The following CDH7 variants were observed in gnomAD, a reference collection of about 807,000 sequenced individuals.
CDH7 encodes the protein cadherin-7.
Under a neutral mutation model 71.8 loss-of-function variants are expected in CDH7, and 25 were observed. That is an observed-to-expected ratio of 0.35 (90% CI 0.25 to 0.49). The LOEUF is 0.49. CDH7 is among the 20% of genes least tolerant of loss of function. The probability of loss-of-function intolerance (pLI) is 0.99; values close to 1 mark genes in which losing one functional copy is unlikely to be tolerated. For missense variants in CDH7, 862 were observed against 974.6 expected (o/e 0.88, Z 1.54); for synonymous variants, 381 against 363.8 (o/e 1.05, Z -0.54).
chr18:65,753,966 A>T (rs1330150269), intron 1 of CDH7, among the ~76,000 whole-genome samples: 1 of 152,210 alleles, frequency 6.6e-6, no homozygotes, highest in Non-Finnish European at 1.5e-5. Flanking sequence ...TATTGAAGTC[A>T]CATAAATCAC....
At position 65,885,208 on chromosome 18, in the gene CDH7, G is replaced by C. The variant is rs937920700; in HGVS notation, c.*4314G>C. ...GTGGGATAAGCCCTTAAGAAAAATG[G>C]GAGATGTTTAAGGCTGTGATTTGGC... On this transcript the variant is annotated 3_prime_UTR_variant, in exon 12 of 12. Transcript: ENST00000397968. The C allele has an allele frequency of 6.6e-6, 1 of 151,712 alleles. No individual in the cohort carries two copies. Among genetic ancestry groups the C allele is most frequent in the African/African-American group, 2.4e-5 (1 of 41,324 alleles). The allele number at this position is 151,712 out of a possible 1,614,324, so 9.4% of individuals were successfully genotyped here. A position where few individuals can be genotyped will look rare whatever the true frequency, so the allele number is the denominator to read the frequency against.
In CDH7 at chr18:65,785,236, C is replaced by CATAT. The variant is rs60676977; in HGVS notation, c.210+22195_210+22198dup. Among the ~76,000 whole-genome samples the CATAT allele has an allele frequency of 8.5e-3, 1,269 of 150,172 alleles. 13 individuals are homozygous for CATAT. The highest frequency in any genetic ancestry group is 0.029 in the African/African-American group (1,207 of 40,964). Reference sequence around the variant, plus strand: ...AGCATATTTGTCATATAATATATGTCATATATATATATATTATTAGGCGAT... The same window carrying CATAT: ...AGCATATTTGTCATATAATATATGTCATATATATATATATATATTATTAGGCGAT... On this transcript the variant is annotated intron_variant, in intron 2 of 11. Transcript: ENST00000397968.
At chr18:65,866,558 G>T (rs1323693233) in intron 11 of CDH7, among the ~76,000 whole-genome samples, 1 of 152,256 alleles carries the variant, frequency 6.6e-6, no homozygotes, top group African/African-American at 2.4e-5. Flanking sequence ...GAAAACTTGA[G>T]GTGTAGGGTA....
At position 65,751,083 on chromosome 18, in the gene CDH7, C is replaced by A. The variant is rs972477706; in HGVS notation, c.-264C>A. On this transcript the variant is annotated 5_prime_UTR_variant, in exon 1 of 12. Coordinates refer to ENST00000397968, the MANE Select transcript of CDH7 (RefSeq NM_004361.5). ...CGCGGGCGTCCGGCAGCCGAGCGCA[C>A]GTTCTTTCGGATGCACACGCCCGGG... The A allele has an allele frequency of 1.3e-5, 2 of 152,300 alleles. No homozygotes were observed. The highest frequency in any genetic ancestry group is 2.4e-5 in the African/African-American group (1 of 41,474). 9.4% of individuals were successfully genotyped at this position (152,300 alleles called of 1,614,324 possible). A position where few individuals can be genotyped will look rare whatever the true frequency, so the allele number is the denominator to read the frequency against.
rs1461064590 is a variant in CDH7 at position 65,766,057 on chromosome 18, G to C, written c.210+3005G>C. ...GAAATGTTATCTGTGTGATTCCTCA[G>C]ATGAAAGCCGGTATTATTTTATGTT... On this transcript the variant is annotated intron_variant, in intron 2 of 11. Transcript: ENST00000397968. 2.6e-5 allele frequency among the ~76,000 whole-genome samples: 4 copies of C among 152,046 alleles called. No individual in the cohort carries two copies. In the South Asian group the frequency reaches 8.3e-4, roughly 32 times the overall value.
Position 65,809,916 on chromosome 18 carries a change from C to T in CDH7, c.423C>T (p.Ile141=), listed in dbSNP as rs1001765908. ...KPVEPESEFV[I]KIQDINDNEP... ...TGGAGCCCGAGTCGGAGTTTGTCAT[C>T]AAAATTCAGGATATCAACGACAATG... The change falls in exon 3 of 12, where the codon ATC becomes ATT. Residue 141 remains isoleucine, a synonymous_variant. Coordinates refer to ENST00000397968, the MANE Select transcript of CDH7 (RefSeq NM_004361.5). 1 of 1,613,942 alleles carries T rather than the reference C, an allele frequency of 6.2e-7. No individual in the cohort carries two copies. The highest frequency in any genetic ancestry group is 1.3e-5 in the African/African-American group (1 of 74,974).
chr18:65,835,446 A>G (rs1462420096), intron 6 of CDH7, among the ~76,000 whole-genome samples: 1 of 152,194 alleles, frequency 6.6e-6, no homozygotes, highest in Non-Finnish European at 1.5e-5. Flanking sequence ...CACTTCCCTC[A>G]TCATCCTTTC....
rs1179139520 is a variant in CDH7, at chr18:65,828,487, T to A, written c.981+3656T>A. Among the ~76,000 whole-genome samples, 8 of 152,258 alleles carry A rather than the reference T, an allele frequency of 5.3e-5. No individual in the cohort carries two copies. In the East Asian group the frequency reaches 1.5e-3, roughly 29 times the overall value. On this transcript the variant is annotated intron_variant, in intron 6 of 11. Transcript: ENST00000397968. ...ACAGATGACTTATGTAGCCTAGAGA[T>A]CTTGAACATTTTGAGAAAAAATTGG...
chr18:65,840,244 A>G (rs1345911363), intron 6 of CDH7, among the ~76,000 whole-genome samples: 3 of 152,212 alleles, frequency 2.0e-5, no homozygotes, highest in Non-Finnish European at 4.4e-5. Context: ...ATACACCAAA[A>G]AAGCTGCTTC....
intron 11 of CDH7, among the ~76,000 whole-genome samples, chr18:65,874,102 C>G (rs1914003233): frequency 6.6e-6 from 1 of 151,978 alleles, no homozygotes; most frequent in East Asian, 1.9e-4. Flanking sequence ...AAGTCACTGC[C>G]CTTCATATGG....
chr18:65,791,312 A>G (rs902991888), intron 2 of CDH7, among the ~76,000 whole-genome samples: 6 of 152,216 alleles, frequency 3.9e-5, no homozygotes, highest in South Asian at 2.1e-4. Context: ...AATTAGTAGC[A>G]CAGTTTGATC....
chr18:65,755,559 GTGGCTTCAGCTC>G (rs1916006810), intron 1 of CDH7, among the ~76,000 whole-genome samples: 1 of 152,166 alleles, frequency 6.6e-6, no homozygotes, highest in Non-Finnish European at 1.5e-5. Flanking sequence ...GAAATGAAGT[GTGGCTTCAGCTC>G]TGAAAACATT....
intron 11 of CDH7, among the ~76,000 whole-genome samples, chr18:65,878,903 G>A (rs1914142533): frequency 6.6e-6 from 1 of 152,146 alleles, no homozygotes; most frequent in South Asian, 2.1e-4. Flanking sequence ...GAGCAGTGCA[G>A]TAGGGTCCAG....
At chr18:65,803,629 A>G (rs1911203513) in intron 2 of CDH7, 1 of 152,114 alleles carries the variant, frequency 6.6e-6, no homozygotes, top group Admixed American at 6.5e-5. Context: ...ATTGCAATAT[A>G]TACAGTGGTA....
Position 65,880,999 on chromosome 18 carries a change from C to G in CDH7, c.*105C>G. 1 of 1,105,138 alleles carries G rather than the reference C, an allele frequency of 9.0e-7. No homozygotes were observed. The highest frequency in any genetic ancestry group is 1.3e-6 in the Non-Finnish European group (1 of 795,842). The allele number at this position is 1,105,138 out of a possible 1,614,324, so 68.5% of individuals were successfully genotyped here. On this transcript the variant is annotated 3_prime_UTR_variant, in exon 12 of 12. Transcript: ENST00000397968. ...ACTACATACAGAAAACAAGAACTCC[C>G]CTTGCTGGAGACAGATGGTTGTAAA...
chr18:65,854,772 A>G (rs1913289102), intron 7 of CDH7, among the ~76,000 whole-genome samples: 1 of 152,178 alleles, frequency 6.6e-6, no homozygotes, highest in Admixed American at 6.6e-5. Flanking sequence ...GCATGAATGT[A>G]TGGGTTATAA....
At chr18:65,804,155 G>A (rs1465540030) in intron 2 of CDH7, among the ~76,000 whole-genome samples, 2 of 151,866 alleles carry the variant, frequency 1.3e-5, no homozygotes, top group African/African-American at 4.8e-5. Context: ...TGGTCTTTTT[G>A]TGGCATGAAA....
At chr18:65,787,014 T>A (rs941410052) in intron 2 of CDH7, among the ~76,000 whole-genome samples, 16 of 152,166 alleles carry the variant, frequency 1.1e-4, no homozygotes, top group Non-Finnish European at 2.2e-4. Flanking sequence ...TGCCCATCAA[T>A]GAAAACTTTT....
intron 11 of CDH7, among the ~76,000 whole-genome samples, chr18:65,869,941 A>T (rs188566040): frequency 1.4e-4 from 21 of 152,222 alleles, no homozygotes; most frequent in East Asian, 1.9e-4. Flanking sequence ...ATTTCCCAAG[A>T]CGCTATATTT....
Sources: gnomAD v4.1 joint callset for allele counts (sites outside exome capture counted in the v4.1 genomes callset) on GRCh38, gnomAD v4.1.1 for gene constraint, MANE v1.5 for transcripts, NCBI Gene and HGNC (gene_info 2026-07-23, HGNC 2026-07-21) for gene names.